The following NDRG2 variants were observed in gnomAD, a reference collection of about 807,000 sequenced individuals.
NDRG2 encodes the protein protein NDRG2.
Under a neutral mutation model 58.2 loss-of-function variants are expected in NDRG2, and 34 were observed. That is an observed-to-expected ratio of 0.58 (90% CI 0.44 to 0.78). The LOEUF is 0.78. Ranked by LOEUF, NDRG2 falls within the 30% of genes least tolerant of loss-of-function variation. NDRG2 has a pLI of 0.00. For synonymous variants in NDRG2, 187 were observed against 175.9 expected (o/e 1.06, Z -0.50); for missense variants, 434 against 471.2 (o/e 0.92, Z 0.73).
intron 1 of NDRG2, chr14:21,030,858 CCA>C: frequency 6.6e-7 from 1 of 1,512,956 alleles, no homozygotes; most frequent in Non-Finnish European, 9.0e-7. Flanking sequence ...CTACCAAGCA[CCA>C]CAGGGTACCT....
chr14:21,021,563 C>T (rs1336818205), intron 6 of NDRG2: 2 of 506,316 alleles, frequency 4.0e-6, no homozygotes, highest in East Asian at 6.7e-5. Context: ...AGAGAAGGCC[C>T]TCCTTAGCCT....
At chr14:21,033,504 T>C in intron 1 of NDRG2, 1 of 399,084 alleles carries the variant, frequency 2.5e-6, no homozygotes, top group East Asian at 5.2e-5. Flanking sequence ...GGACTTAGGA[T>C]CTGGCCCAGT....
chr14:21,060,101 C>T (rs1885881860), intron 1 of NDRG2, among the ~76,000 whole-genome samples: 1 of 152,158 alleles, frequency 6.6e-6, no homozygotes. Flanking sequence ...CCTTATTACA[C>T]CTCCCTTCCC....
chr14:21,037,043 A>G (rs901106614), intron 1 of NDRG2, among the ~76,000 whole-genome samples: 2 of 152,188 alleles, frequency 1.3e-5, no homozygotes, highest in African/African-American at 4.8e-5. Context: ...AGCTTCCCTG[A>G]GAATAGAAAG....
chr14:21,051,610 A>G (rs1416140802), intron 1 of NDRG2, among the ~76,000 whole-genome samples: 1 of 152,236 alleles, frequency 6.6e-6, no homozygotes, highest in Non-Finnish European at 1.5e-5. Context: ...AATGGGCACC[A>G]TAGGAAGGCC....
intron 1 of NDRG2, chr14:21,048,280 C>T (rs939496666): frequency 1.3e-5 from 2 of 152,066 alleles, no homozygotes; most frequent in Admixed American, 1.3e-4. Context: ...GACTCCAAAA[C>T]CAGTAAGCTT....
chr14:21,059,348 A>G (rs1885829924), intron 1 of NDRG2, among the ~76,000 whole-genome samples: 1 of 152,238 alleles, frequency 6.6e-6, no homozygotes, highest in Non-Finnish European at 1.5e-5. Context: ...CTTTTGTAAA[A>G]TACAATACAA....
chr14:21,043,157 G>A (rs775674760), intron 1 of NDRG2: 4 of 1,614,160 alleles, frequency 2.5e-6, no homozygotes, highest in Admixed American at 3.3e-5. Context: ...ACTCAGCCAT[G>A]AAAAACATTA....
At chr14:21,050,902 A>T (rs992488071) in intron 1 of NDRG2, among the ~76,000 whole-genome samples, 2 of 152,314 alleles carry the variant, frequency 1.3e-5, no homozygotes, top group Non-Finnish European at 1.5e-5. Flanking sequence ...CATATAGGGG[A>T]GCTCTGTGTA....
chr14:21,030,968 G>C (rs1884063582), intron 1 of NDRG2: 1 of 1,572,642 alleles, frequency 6.4e-7, no homozygotes, highest in African/African-American at 1.4e-5. Flanking sequence ...GGAAGGTAAT[G>C]CATTCATGCT....
intron 1 of NDRG2, chr14:21,036,031 C>A: frequency 5.3e-6 from 2 of 377,388 alleles, no homozygotes; most frequent in South Asian, 2.0e-5. Context: ...TTTTACCTCA[C>A]GGCAGTATGA....
chr14:21,047,726 T>C (rs1280303989), intron 1 of NDRG2, among the ~76,000 whole-genome samples: 2 of 151,970 alleles, frequency 1.3e-5, no homozygotes, highest in Non-Finnish European at 2.9e-5. Context: ...CAACATGGAG[T>C]AAAGGAGCGG....
chr14:21,033,363 G>C (rs1427326613), intron 1 of NDRG2: 1 of 276,250 alleles, frequency 3.6e-6, no homozygotes, highest in Non-Finnish European at 7.0e-6. Flanking sequence ...CCCTGAGTAG[G>C]TGGGTGAGTG....
chr14:21,030,963 G>A, intron 1 of NDRG2: 1 of 1,569,168 alleles, frequency 6.4e-7, no homozygotes, highest in African/African-American at 1.4e-5. Flanking sequence ...ACCTTGGAAG[G>A]TAATGCATTC....
At chr14:21,035,154 A>T (rs1378596230) in intron 1 of NDRG2, among the ~76,000 whole-genome samples, 1 of 151,806 alleles carries the variant, frequency 6.6e-6, no homozygotes, top group Admixed American at 6.6e-5. Flanking sequence ...AGAATCAAAG[A>T]CCTCCATGTG....
intron 1 of NDRG2, among the ~76,000 whole-genome samples, chr14:21,064,424 C>T (rs1292314328): frequency 6.6e-6 from 1 of 152,070 alleles, no homozygotes; most frequent in East Asian, 1.9e-4. Context: ...GTCTCAGCCT[C>T]CCAAGTAGCT....
In NDRG2 at chr14:21,043,773, G is replaced by A. The variant is rs896281414; in HGVS notation, c.25-20452C>T. On this transcript the variant is annotated intron_variant, in intron 1 of 14. Transcript: ENST00000403829. ...GCATTAGGGCAGCATGACAAGGAGA[G>A]GAAATAAATGGAAAGGGGGCATATG... 6 of 278,738 alleles carry A rather than the reference G, an allele frequency of 2.2e-5. No individual in the cohort carries two copies. In the Admixed American group the frequency reaches 2.9e-4, roughly 13 times the overall value. 17.3% of individuals were successfully genotyped at this position (278,738 alleles called of 1,614,324 possible).
At chr14:21,055,010 T>C (rs748265719) in intron 1 of NDRG2, among the ~76,000 whole-genome samples, 7 of 152,200 alleles carry the variant, frequency 4.6e-5, no homozygotes, top group Non-Finnish European at 7.3e-5. Flanking sequence ...CTGCCTTTAG[T>C]AGGTAGTAAA....
intron 1 of NDRG2, among the ~76,000 whole-genome samples, chr14:21,052,726 A>G (rs1355802856): frequency 1.3e-5 from 2 of 152,198 alleles, no homozygotes; most frequent in African/African-American, 2.4e-5. Context: ...GAACCACTGG[A>G]GATAAACAGA....
Sources: gnomAD v4.1 joint callset for allele counts (sites outside exome capture counted in the v4.1 genomes callset) on GRCh38, gnomAD v4.1.1 for gene constraint, MANE v1.5 for transcripts, NCBI Gene and HGNC (gene_info 2026-07-23, HGNC 2026-07-21) for gene names.